SFMBT1: variants seen among roughly 807,000 people sequenced by gnomAD.
SFMBT1 encodes the protein Scm like with four mbt domains 1.
In SFMBT1, 32 loss-of-function variants were observed where a neutral mutation model predicts 108.7. That is an observed-to-expected ratio of 0.29 (90% confidence interval 0.22 to 0.40). The LOEUF is 0.40. SFMBT1 is among the 10% of genes least tolerant of loss of function. SFMBT1 has a pLI of 1.00. For synonymous variants in SFMBT1, 348 were observed against 369.5 expected, an observed-to-expected ratio of 0.94 and a Z score of 0.67; for missense variants, 816 against 1,059.6, an observed-to-expected ratio of 0.77 and a Z score of 3.19.
At chr3:53,006,486 G>A (rs185012588) in intron 1 of SFMBT1, among the ~76,000 whole-genome samples, 30 of 152,108 alleles carry the variant, frequency 2.0e-4, no homozygotes, top group East Asian at 7.7e-4. Context: ...AAAATCAGCC[G>A]GGCGTGTTGG....
chr3:52,965,207 TA>T (rs113855341), intron 2 of SFMBT1, among the ~76,000 whole-genome samples: 10 of 147,214 alleles, frequency 6.8e-5, no homozygotes, highest in African/African-American at 7.5e-5. Flanking sequence ...CCCAATTAAT[TA>T]AAAAAAAACC....
intron 3 of SFMBT1, among the ~76,000 whole-genome samples, chr3:52,947,500 G>A (rs991679916): frequency 1.4e-4 from 21 of 152,096 alleles, no homozygotes; most frequent in African/African-American, 5.1e-4. Flanking sequence ...TATTAATCAA[G>A]TTGACAACCT....
chr3:53,027,744 T>C (rs995316016), intron 1 of SFMBT1, among the ~76,000 whole-genome samples: 4 of 152,192 alleles, frequency 2.6e-5, no homozygotes, highest in African/African-American at 9.6e-5. Flanking sequence ...AGAGTCCGTA[T>C]GTAAATTCGT....
intron 1 of SFMBT1, among the ~76,000 whole-genome samples, chr3:53,015,745 G>A (rs1444417766): frequency 1.3e-5 from 2 of 152,294 alleles, no homozygotes; most frequent in Non-Finnish European, 2.9e-5. Context: ...TAGAGAGACA[G>A]AAAGTAAATT....
intron 1 of SFMBT1, among the ~76,000 whole-genome samples, chr3:52,971,336 A>C (rs1704336905): frequency 6.6e-6 from 1 of 152,246 alleles, no homozygotes. Context: ...AAAATTGTGG[A>C]CATCCCACTT....
intron 17 of SFMBT1, among the ~76,000 whole-genome samples, chr3:52,908,513 T>C (rs1267074752): frequency 1.3e-5 from 2 of 152,210 alleles, no homozygotes; most frequent in East Asian, 1.9e-4. Flanking sequence ...TCTTCATCTC[T>C]CTTGTTGAAA....
At chr3:53,000,610 CAA>C (rs1273406867) in intron 1 of SFMBT1, among the ~76,000 whole-genome samples, 8 of 149,504 alleles carry the variant, frequency 5.4e-5, no homozygotes, top group Non-Finnish European at 7.5e-5. Flanking sequence ...ATATAAAAGA[CAA>C]AGAGAGAAAG....
At chr3:53,001,754 A>AC (rs1447055369) in intron 1 of SFMBT1, among the ~76,000 whole-genome samples, 1 of 143,600 alleles carries the variant, frequency 7.0e-6, no homozygotes, top group African/African-American at 2.5e-5. Context: ...ATCTCTACCA[A>AC]AAAAAAAAAA....
chr3:53,007,550 C>T (rs1490499385), intron 1 of SFMBT1, among the ~76,000 whole-genome samples: 1 of 152,182 alleles, frequency 6.6e-6, no homozygotes, highest in African/African-American at 2.4e-5. Flanking sequence ...ATAATGGAGA[C>T]ATGTCAAAAG....
At chr3:53,043,821 A>G (rs1452689223) in intron 1 of SFMBT1, among the ~76,000 whole-genome samples, 1 of 152,248 alleles carries the variant, frequency 6.6e-6, no homozygotes, top group Non-Finnish European at 1.5e-5. Flanking sequence ...CAACACGGCC[A>G]TAACTCCAAG....
intron 1 of SFMBT1, among the ~76,000 whole-genome samples, chr3:52,995,111 TA>T (rs1212299074): frequency 1.4e-5 from 2 of 146,684 alleles, no homozygotes; most frequent in Non-Finnish European, 3.0e-5. Flanking sequence ...CTTAGTTAAC[TA>T]AAAAAATACC....
chr3:52,949,253 T>C (rs1703485630), intron 3 of SFMBT1, among the ~76,000 whole-genome samples: 1 of 152,176 alleles, frequency 6.6e-6, no homozygotes. Context: ...TTTGTGAATG[T>C]TCCATGTGAG....
intron 1 of SFMBT1, among the ~76,000 whole-genome samples, chr3:53,001,073 A>C (rs1450862826): frequency 6.7e-6 from 1 of 149,782 alleles, no homozygotes; most frequent in African/African-American, 2.4e-5. Flanking sequence ...ATTCTCCCTA[A>C]CAAGTCAAAA....
At chr3:53,014,603 A>G (rs748820929) in intron 1 of SFMBT1, among the ~76,000 whole-genome samples, 58 of 152,254 alleles carry the variant, frequency 3.8e-4, no homozygotes, top group Non-Finnish European at 7.1e-4. Context: ...GATCTTCATA[A>G]AAAGCTCTGG....
intron 1 of SFMBT1, among the ~76,000 whole-genome samples, chr3:53,013,820 G>C (rs1559549695): frequency 6.6e-6 from 1 of 151,370 alleles, no homozygotes. Flanking sequence ...GTAGAGATGG[G>C]GTTTCACCAT....
chr3:52,934,799 G>A lies in SFMBT1; in HGVS notation c.453+14C>T. ...TGGGTTTTCCATGCTGATGTGGCATGTAGTAATACTCACGCCCTCTAGCAG... is the reference window on the plus strand; with the variant it reads ...TGGGTTTTCCATGCTGATGTGGCATATAGTAATACTCACGCCCTCTAGCAG... On this transcript the variant is annotated intron_variant, in intron 5 of 20. Coordinates refer to ENST00000394752, the MANE Select transcript of SFMBT1 (RefSeq NM_016329.4). 1 of 1,605,196 alleles carries A rather than the reference G, an allele frequency of 6.2e-7. No homozygotes were observed. The highest frequency in any genetic ancestry group is 1.1e-5 in the South Asian group (1 of 90,152).
chr3:52,994,216 A>G (rs1203124466), intron 1 of SFMBT1, among the ~76,000 whole-genome samples: 1 of 150,546 alleles, frequency 6.6e-6, no homozygotes, highest in Admixed American at 6.7e-5. Flanking sequence ...GAGATCACAC[A>G]CAACTGTGCC....
chr3:53,032,172 C>A (rs1476719968), intron 1 of SFMBT1, among the ~76,000 whole-genome samples: 2 of 152,168 alleles, frequency 1.3e-5, no homozygotes, highest in African/African-American at 4.8e-5. Flanking sequence ...GGGTTCAAGA[C>A]CAGCCTGGAC....
intron 1 of SFMBT1, among the ~76,000 whole-genome samples, chr3:53,011,034 C>G (rs1425226755): frequency 6.6e-6 from 1 of 152,066 alleles, no homozygotes; most frequent in African/African-American, 2.4e-5. Context: ...TGGGGTGGCC[C>G]AATAGGAAGC....
Sources: allele counts gnomAD v4.1 joint callset (sites outside exome capture counted in the v4.1 genomes callset), GRCh38; gene constraint gnomAD v4.1.1; transcripts MANE v1.5; gene names NCBI Gene and HGNC (gene_info 2026-07-23, HGNC 2026-07-21).